Variants in MICAL2 observed in about 807,000 individuals in gnomAD.
MICAL2 encodes microtubule associated monooxygenase, calponin and LIM domain containing 2.
A neutral mutation model predicts 127.3 loss-of-function variants in MICAL2; 77 were observed. That is an observed-to-expected ratio of 0.60 (90% CI 0.50 to 0.73). The LOEUF is 0.73. Among genes scored for constraint, MICAL2 ranks in the 30% least tolerant of loss-of-function variants. The probability of loss-of-function intolerance (pLI) is 0.00; values close to 1 mark genes in which losing one functional copy is unlikely to be tolerated. For synonymous variants in MICAL2, 570 were observed against 551.1 expected (o/e 1.03, Z -0.48); for missense variants, 1,351 against 1,434.4 (o/e 0.94, Z 0.94).
chr11:12,199,878 A>G (rs1388112031), intron 3 of MICAL2, among the ~76,000 whole-genome samples: 1 of 152,148 alleles, frequency 6.6e-6, no homozygotes. Context: ...CCTGCTCCCC[A>G]CTGGGTAATA....
rs145887997 is a variant in MICAL2, at chr11:12,154,041, G to A, written c.-77-8038G>A. On this transcript the variant is annotated intron_variant, in intron 2 of 27. Coordinates refer to ENST00000683283, the MANE Select transcript of MICAL2 (RefSeq NM_001282663.2). ...TTTGGGTTGGAGATTTGGGTTGGAG[G>A]CAATGCCTTTCCCATTCTGCTCTGG... 7.9e-5 allele frequency among the ~76,000 whole-genome samples: 12 copies of A among 152,300 alleles called. No individual in the cohort carries two copies. The East Asian group carries it at 2.1e-3, about 27-fold the overall frequency.
intron 1 of MICAL2, among the ~76,000 whole-genome samples, chr11:12,119,960 C>T (rs1366103456): frequency 6.6e-6 from 1 of 152,228 alleles, no homozygotes; most frequent in Non-Finnish European, 1.5e-5. Context: ...TTCCATCTAC[C>T]ATTTCCCACC....
intron 6 of MICAL2, among the ~76,000 whole-genome samples, chr11:12,209,927 A>G (rs1855230355): frequency 6.6e-6 from 1 of 152,154 alleles, no homozygotes; most frequent in African/African-American, 2.4e-5. Context: ...GTCATGGGGG[A>G]AAAATGAACA....
upstream of MICAL2, among the ~76,000 whole-genome samples, chr11:12,272,845 C>G (rs146503080): frequency 1.2e-4 from 18 of 152,278 alleles, no homozygotes; most frequent in African/African-American, 4.3e-4. Flanking sequence ...TGTAACCTAG[C>G]AGGAACATGA....
intron 3 of MICAL2, among the ~76,000 whole-genome samples, chr11:12,189,344 T>C (rs1259622826): frequency 1.3e-5 from 2 of 152,210 alleles, no homozygotes; most frequent in Non-Finnish European, 2.9e-5. Flanking sequence ...CGAGTACCTA[T>C]GGTCAGAAAA....
At chr11:12,334,094 G>T (rs552261447) in intron 32 of MICAL2, among the ~76,000 whole-genome samples, 2 of 152,082 alleles carry the variant, frequency 1.3e-5, no homozygotes, top group Admixed American at 1.3e-4. Flanking sequence ...TTGACCTCAA[G>T]TTGTTAGTCA....
At chr11:12,292,927 C>T (rs1863924226), downstream of MICAL2, among the ~76,000 whole-genome samples, 1 of 152,182 alleles carries the variant, frequency 6.6e-6, no homozygotes, top group African/African-American at 2.4e-5. Flanking sequence ...CTCATGTTCC[C>T]TCTTTGCCAA....
intron 3 of MICAL2, among the ~76,000 whole-genome samples, chr11:12,167,470 T>A (rs1208539144): frequency 6.6e-6 from 1 of 152,018 alleles, no homozygotes; most frequent in African/African-American, 2.4e-5. Context: ...GCAAGGATGT[T>A]AGGGGTGGAA....
rs138423227 is a variant in MICAL2 at position 12,150,630 on chromosome 11, C to T, written c.-77-11449C>T. On this transcript the variant is annotated intron_variant, in intron 2 of 27. Coordinates refer to ENST00000683283, the MANE Select transcript of MICAL2 (RefSeq NM_001282663.2). ...AGTTCACTTGGCTGTGACTTTGATG[C>T]CTCTTCCCCAGCATCCCTCTATATC... 1.1e-3 allele frequency among the ~76,000 whole-genome samples: 169 copies of T among 152,170 alleles called. 1 individual carries two copies. The highest frequency in any genetic ancestry group is 3.4e-3 in the African/African-American group (139 of 41,484).
chr11:12,234,138 C>G (rs1012657908), intron 15 of MICAL2, among the ~76,000 whole-genome samples: 1 of 152,178 alleles, frequency 6.6e-6, no homozygotes, highest in Non-Finnish European at 1.5e-5. Flanking sequence ...CTGGTGGGCA[C>G]GGCCTCCCCA....
intron 32 of MICAL2, among the ~76,000 whole-genome samples, chr11:12,328,847 G>A (rs955541144): frequency 6.6e-6 from 1 of 152,136 alleles, no homozygotes; most frequent in Non-Finnish European, 1.5e-5. Context: ...ATTTCCTGAG[G>A]CCTGGAGTTC....
chr11:12,116,869 A>G (rs1425929921), intron 1 of MICAL2: 1 of 152,100 alleles, frequency 6.6e-6, no homozygotes, highest in African/African-American at 2.4e-5. Flanking sequence ...CATCACTACC[A>G]TCATCACGGG....
intron 29 of MICAL2, among the ~76,000 whole-genome samples, chr11:12,310,554 A>G (rs1440438834): frequency 1.3e-5 from 2 of 152,196 alleles, no homozygotes; most frequent in African/African-American, 4.8e-5. Context: ...TTATGCCAGT[A>G]TCATGCTTTT....
chr11:12,194,493 C>T (rs548459477), intron 3 of MICAL2, among the ~76,000 whole-genome samples: 4 of 152,206 alleles, frequency 2.6e-5, no homozygotes, highest in South Asian at 2.1e-4. Flanking sequence ...GCTCTATTTC[C>T]GGATGTTATA....
At chr11:12,202,983 A>G (rs1264168651) in intron 3 of MICAL2, among the ~76,000 whole-genome samples, 4 of 152,150 alleles carry the variant, frequency 2.6e-5, no homozygotes, top group Non-Finnish European at 5.9e-5. Context: ...CTTTTGTCTC[A>G]TGGATTTGCC....
intron 1 of MICAL2, among the ~76,000 whole-genome samples, chr11:12,112,733 C>T (rs899529871): frequency 3.1e-4 from 47 of 152,100 alleles, no homozygotes; most frequent in African/African-American, 1.1e-3. Context: ...TCATGATTTT[C>T]ATGACTTATT....
chr11:12,254,044 G>A (rs989625846), intron 22 of MICAL2: 3 of 152,276 alleles, frequency 2.0e-5, no homozygotes, highest in Non-Finnish European at 2.9e-5. Flanking sequence ...GAGTCACCTC[G>A]TTCCAGCAAA....
At chr11:12,253,089 C>G (rs1346765925) in intron 22 of MICAL2, 1 of 152,242 alleles carries the variant, frequency 6.6e-6, no homozygotes, top group African/African-American at 2.4e-5. Context: ...GCTTCCAGAG[C>G]TGGGGGTGAG....
chr11:12,255,674 G>A lies in MICAL2; in HGVS notation c.2879G>A (p.Gly960Glu), dbSNP rs775988499. Residue 960 changes from glycine to glutamate, a missense_variant, in exon 23 of 28, where the codon GGG (glycine) becomes GAG (glutamate). Gly to Glu is a moderately conservative substitution (Grantham distance 98, BLOSUM62 -2). This residue lies in a region of MICAL2 where 752 missense variants were observed against 719.4 expected (regional missense o/e 1.05). Transcript: ENST00000683283. ...LTVGKVSSGI[G>E]AAAEVLVNLY... The stretch of plus-strand genomic sequence containing the variant: ...GTAGGGAAAGTGTCCAGCGGAATAG[G>A]GGCTGCAGCTGAAGTCCTGGTCAAT... The A allele has an allele frequency of 2.5e-6, 4 of 1,614,074 alleles. No individual in the cohort carries two copies. In the Admixed American group the frequency reaches 6.7e-5, roughly 27 times the overall value.
Sources: allele counts gnomAD v4.1 joint callset (sites outside exome capture counted in the v4.1 genomes callset), GRCh38; gene constraint gnomAD v4.1.1; regional missense constraint gnomAD v4.1.1; transcripts MANE v1.5; gene names NCBI Gene and HGNC (gene_info 2026-07-23, HGNC 2026-07-21).